ARHGAP9: variants seen among roughly 807,000 people sequenced by gnomAD.
ARHGAP9 encodes Rho GTPase activating protein 9, also known as rho GTPase-activating protein 9.
A neutral mutation model predicts 87.3 loss-of-function variants in ARHGAP9; 76 were observed. The observed-to-expected ratio is 0.87, with a 90% confidence interval of 0.72 to 1.05. The LOEUF is 1.05. ARHGAP9 is among the 50% of genes least tolerant of loss of function. The probability of loss-of-function intolerance (pLI) is 0.00; values close to 1 mark genes in which losing one functional copy is unlikely to be tolerated. For missense variants in ARHGAP9, 941 were observed against 960.5 expected, an observed-to-expected ratio of 0.98 and a Z score of 0.27; for synonymous variants, 382 against 394.9, an observed-to-expected ratio of 0.97 and a Z score of 0.39.
intron 16 of ARHGAP9, 91 bp from the exon 17 acceptor site, chr12:57,473,799 G>A: frequency 7.9e-7 from 1 of 1,270,176 alleles, no homozygotes; most frequent in East Asian, 2.4e-5. Context: ...CCACAGGCAT[G>A]GAAGACATCA....
At position 57,473,721 on chromosome 12, in the gene ARHGAP9, A is replaced by G. The variant is rs1464934521; in HGVS notation, c.1919-13T>C. On this transcript the variant is annotated splice_polypyrimidine_tract_variant and intron_variant, in intron 16 of 17. Coordinates refer to ENST00000393791, the MANE Select transcript of ARHGAP9 (RefSeq NM_032496.4). ...GATTCGGAGAGTGCTAGAGAGAGTG[A>G]TGGGAAAGGCATGGTAGTAAGGTTA... 6.2e-7 allele frequency: 1 copy of G among 1,608,958 alleles called. No homozygotes were observed. Among genetic ancestry groups the G allele is most frequent in the East Asian group, 2.2e-5 (1 of 44,864 alleles).
At chr12:57,475,985 G>A (rs1450607039) in intron 9 of ARHGAP9, 54 bp from the exon 10 acceptor site, 2 of 1,555,218 alleles carry the variant, frequency 1.3e-6, no homozygotes, top group African/African-American at 1.4e-5. Flanking sequence ...ATAATAAGCA[G>A]GGAGACCTAG....
At chr12:57,481,398 C>T (rs1010870773), upstream of ARHGAP9, among the ~76,000 whole-genome samples, 1 of 152,136 alleles carries the variant, frequency 6.6e-6, no homozygotes, top group African/African-American at 2.4e-5. Context: ...TTAGAGGCGC[C>T]TGCCACTATG....
At chr12:57,483,277 C>T (rs1850567714), upstream of ARHGAP9, among the ~76,000 whole-genome samples, 9 of 152,330 alleles carry the variant, frequency 5.9e-5, no homozygotes, top group South Asian at 1.9e-3. Flanking sequence ...TCGCCACCCA[C>T]ATTGATTCAA....
rs764230374 is a variant in ARHGAP9 at position 57,472,663 on chromosome 12, G to A, written c.2050C>T (p.Arg684Cys). 36 of 1,614,080 alleles carry A rather than the reference G, an allele frequency of 2.2e-5. No homozygotes were observed. The highest frequency in any genetic ancestry group is 2.9e-5 in the Non-Finnish European group (34 of 1,180,048). ...CRVIAHSDKN[R>C]MTPHNLGIVF... ...ATTCCCAGGTTGTGGGGTGTCATGC[G>A]ATTCTTATCTGAGTGTGCTATCACC... Residue 684 changes from arginine to cysteine, a missense_variant, in exon 18 of 18, where the codon CGC becomes TGC. Arg to Cys is a radical substitution (Grantham distance 180). Coordinates refer to ENST00000393791, the MANE Select transcript of ARHGAP9 (RefSeq NM_032496.4).
At position 57,479,765 on chromosome 12, in the gene ARHGAP9, T is replaced by C; in HGVS notation, c.-54A>G. The C allele has an allele frequency of 6.5e-7, 1 of 1,550,130 alleles. No homozygotes were observed. Among genetic ancestry groups the C allele is most frequent in the East Asian group, 2.4e-5 (1 of 40,896 alleles). On this transcript the variant is annotated 5_prime_UTR_variant, in exon 1 of 18. Transcript: ENST00000393791. ...CCATCAGAAGATTCAGGAGCAGGAG[T>C]TGGTCCTGGGTAGTGGTGGGAGTCT...
At position 57,479,749 on chromosome 12, in the gene ARHGAP9, G is replaced by A. The variant is rs1178457771; in HGVS notation, c.-38C>T. On this transcript the variant is annotated 5_prime_UTR_variant, in exon 1 of 18. Transcript: ENST00000393791. Reference sequence around the variant, plus strand: ...AAGTACCTTGTGGGGCCCATCAGAAGATTCAGGAGCAGGAGTTGGTCCTGG... The same window carrying A: ...AAGTACCTTGTGGGGCCCATCAGAAAATTCAGGAGCAGGAGTTGGTCCTGG... 1.3e-6 allele frequency: 2 copies of A among 1,550,638 alleles called. No individual in the cohort carries two copies. The highest frequency in any genetic ancestry group is 2.7e-5 in the African/African-American group (2 of 73,044).
intron 1 of ARHGAP9, chr12:57,488,148 G>T: frequency 6.2e-7 from 1 of 1,614,168 alleles, no homozygotes; most frequent in Non-Finnish European, 8.5e-7. Context: ...GGCCGCCGCC[G>T]GGAGAGCCCG....
intron 16 of ARHGAP9, 76 bp downstream of exon 16, chr12:57,473,966 T>C: frequency 6.6e-7 from 1 of 1,507,740 alleles, no homozygotes; most frequent in Non-Finnish European, 8.9e-7. Flanking sequence ...AAGAAGAGTA[T>C]AAGGGAACCT....
intron 7 of ARHGAP9, 45 bp downstream of exon 7, chr12:57,476,545 T>A (rs768172297): frequency 1.2e-6 from 2 of 1,613,220 alleles, no homozygotes; most frequent in African/African-American, 1.3e-5. Flanking sequence ...TGCTCTACCC[T>A]ATGGAGTTGA....
At chr12:57,475,207 G>C in intron 12 of ARHGAP9, 84 bp downstream of exon 12, 2 of 1,375,036 alleles carry the variant, frequency 1.5e-6, no homozygotes, top group South Asian at 2.6e-5. Context: ...AGCAGTCACA[G>C]AAGGTTGTGG....
chr12:57,486,565 C>T (rs1240263992), intron 1 of ARHGAP9, among the ~76,000 whole-genome samples: 1 of 146,512 alleles, frequency 6.8e-6, no homozygotes, highest in African/African-American at 2.5e-5. Flanking sequence ...CCACCGCGCC[C>T]GGCCTTACTT....
intron 14 of ARHGAP9, 66 bp downstream of exon 14, chr12:57,474,560 T>C: frequency 6.2e-7 from 1 of 1,613,006 alleles, no homozygotes. Context: ...CTTCCTCATG[T>C]AGGACCGCCC....
chr12:57,484,064 A>T (rs547573131), upstream of ARHGAP9: 86 of 266,670 alleles, frequency 3.2e-4, no homozygotes, highest in Non-Finnish European at 5.8e-4. Context: ...AAAAAAAAAA[A>T]AAATAAGGCC....
chr12:57,477,696 G>C lies in ARHGAP9; in HGVS notation c.535-16C>G. The C allele has an allele frequency of 6.2e-7, 1 of 1,608,738 alleles. No homozygotes were observed. Among genetic ancestry groups the C allele is most frequent in the Non-Finnish European group, 8.5e-7 (1 of 1,176,164 alleles). ...GGGGGCCTGCCTGCCAGAAAAGGGG[G>C]AAGAAGGAGGTGGTCATTCTGCCTG... On this transcript the variant is annotated splice_polypyrimidine_tract_variant and intron_variant, in intron 3 of 17. Coordinates refer to ENST00000393791, the MANE Select transcript of ARHGAP9 (RefSeq NM_032496.4).
At chr12:57,480,912 C>A (rs1429545257), upstream of ARHGAP9, 2 of 1,394,428 alleles carry the variant, frequency 1.4e-6, no homozygotes, top group African/African-American at 2.9e-5. Flanking sequence ...GCTCTCTTCC[C>A]CTGAGGGCTG....
chr12:57,476,103 G>T lies in ARHGAP9; in HGVS notation c.1180C>A (p.Arg394Ser). Reference protein sequence around the residue: ...DLRGAALAHGRHLSSRRNVLH... With the variant: ...DLRGAALAHGSHLSSRRNVLH... ...ACGTTGCGGCGGCTGGACAGGTGGC[G>T]GCCGTGCGCCAGGGCCGCCCCGCGC... The change falls in exon 9 of 18, where the codon CGC (arginine) becomes AGC (serine). Residue 394 changes from arginine (R) to serine (S), a missense_variant. Arg to Ser is a moderately radical substitution (Grantham distance 110, BLOSUM62 -1). Coordinates refer to ENST00000393791, the MANE Select transcript of ARHGAP9 (RefSeq NM_032496.4). 1.3e-6 allele frequency: 2 copies of T among 1,539,506 alleles called. No individual in the cohort carries two copies. Among genetic ancestry groups the T allele is most frequent in the African/African-American group, 1.4e-5 (1 of 72,986 alleles).
intron 1 of ARHGAP9, 57 bp downstream of exon 1, chr12:57,479,673 C>T (rs1041275753): frequency 6.4e-7 from 1 of 1,550,490 alleles, no homozygotes; most frequent in African/African-American, 1.4e-5. Context: ...GGCTGCATGG[C>T]CAGCAAGGCA....
chr12:57,474,095 A>G lies in ARHGAP9; in HGVS notation c.1865T>C (p.Leu622Pro). Residue 622 changes from leucine to proline, a missense_variant, in exon 16 of 18, where the codon CTG (leucine) becomes CCG (proline). Leu to Pro is a moderately conservative substitution (Grantham distance 98). Coordinates refer to ENST00000393791, the MANE Select transcript of ARHGAP9 (RefSeq NM_032496.4). Reference protein sequence around the residue: ...TGALKLFLRELPQPLVPPLLL... With the variant: ...TGALKLFLREPPQPLVPPLLL... ...CAGTGGTGGCACCAGAGGCTGGGGC[A>G]GCTCCCGGAGAAAAAGCTTCAGGGC... is the stretch of plus-strand genomic sequence containing the variant. 6.2e-7 allele frequency: 1 copy of G among 1,614,146 alleles called. No homozygotes were observed. The highest frequency in any genetic ancestry group is 8.5e-7 in the Non-Finnish European group (1 of 1,180,022).
Sources: allele counts gnomAD v4.1 joint callset (sites outside exome capture counted in the v4.1 genomes callset), GRCh38; gene constraint gnomAD v4.1.1; transcripts MANE v1.5; gene names NCBI Gene and HGNC (gene_info 2026-07-23, HGNC 2026-07-21).